The following PROSER3 variants were observed in gnomAD, a reference collection of about 807,000 sequenced individuals.
PROSER3 encodes proline and serine-rich protein 3.
A neutral mutation model predicts 50.2 loss-of-function variants in PROSER3; 33 were observed. The ratio of observed to expected loss-of-function variants is 0.66; its 90% CI spans 0.50 to 0.88. The LOEUF (loss-of-function observed/expected upper bound fraction) is 0.88, where lower values mean the gene tolerates loss of function less well. Ranked by LOEUF, PROSER3 falls within the 40% of genes least tolerant of loss-of-function variation. The pLI, the probability that PROSER3 is intolerant of heterozygous loss-of-function variation, is 0.00. For synonymous variants in PROSER3, 266 were observed against 259.3 expected (o/e 1.03, Z -0.25); for missense variants, 623 against 612.7 (o/e 1.02, Z -0.18).
chr19:35,764,159 G>A (rs1056979570), intron 5 of PROSER3, among the ~76,000 whole-genome samples: 2 of 152,268 alleles, frequency 1.3e-5, no homozygotes, highest in African/African-American at 2.4e-5. Flanking sequence ...GGTCCTTGGG[G>A]TCTCTAGGCT....
chr19:35,766,242 A>C (rs1162064105), intron 7 of PROSER3, among the ~76,000 whole-genome samples: 1 of 152,152 alleles, frequency 6.6e-6, no homozygotes, highest in Non-Finnish European at 1.5e-5. Context: ...AGAACGGCTC[A>C]ATAAATATTT....
chr19:35,768,119 G>T (rs1203548431), intron 9 of PROSER3, 36 bp from the exon 10 acceptor site: 7 of 1,604,188 alleles, frequency 4.4e-6, no homozygotes, highest in Non-Finnish European at 6.0e-6. Flanking sequence ...CTAAGAGGCC[G>T]GCCCCTTGGA....
rs189755830 is a variant in PROSER3 at position 35,763,439 on chromosome 19, C to G, written c.543+1083C>G. Among the ~76,000 whole-genome samples, 28 of 151,254 alleles carry G rather than the reference C, an allele frequency of 1.9e-4. No homozygotes were observed. The East Asian group carries it at 4.7e-3, about 25-fold the overall frequency. ...CAGGCTTGTCTCGAACTCCTGACCT[C>G]CGGCAATCCGCCCACCTCAGCCTCC... On this transcript the variant is annotated intron_variant, in intron 5 of 10. Transcript: ENST00000396908.
At chr19:35,765,482 A>T (rs967890323) in intron 7 of PROSER3, among the ~76,000 whole-genome samples, 7 of 149,394 alleles carry the variant, frequency 4.7e-5, no homozygotes, top group African/African-American at 1.5e-4. Context: ...CAGTAGGCTG[A>T]GGCAGGAGAA....
intron 1 of PROSER3, 70 bp downstream of exon 1, chr19:35,758,296 AGGACGGGCT>A (rs1970836519): frequency 5.9e-6 from 9 of 1,516,122 alleles, no homozygotes; most frequent in Non-Finnish European, 8.0e-6. Context: ...AGCACAGCCT[AGGACGGGCT>A]GGATACGGTC....
rs371207751 is a variant in PROSER3 at position 35,761,981 on chromosome 19, C to G, written c.312-38C>G. The G allele has an allele frequency of 6.0e-4, 929 of 1,550,124 alleles. 9 individuals are homozygous for G. In the South Asian group the frequency reaches 8.9e-3, roughly 15 times the overall value. On this transcript the variant is annotated intron_variant, in intron 3 of 10. Coordinates refer to ENST00000396908, the Ensembl canonical transcript of PROSER3. ...ATTATTCTTATTATTATTTGGCTCT[C>G]CTCACTCCACTCACCTCCTATCCCC...
At chr19:35,767,653 G>A in intron 8 of PROSER3, 1 of 1,004,612 alleles carries the variant, frequency 1.0e-6, no homozygotes. Flanking sequence ...GCCAGGTAGT[G>A]GCAGCTCGGC....
intron 3 of PROSER3, among the ~76,000 whole-genome samples, chr19:35,760,892 G>C (rs1384926750): frequency 1.3e-5 from 2 of 152,200 alleles, no homozygotes; most frequent in Admixed American, 6.5e-5. Flanking sequence ...TCACCACTTA[G>C]ATTTGTAGAA....
At chr19:35,762,211 G>A (rs764859870) in intron 4 of PROSER3, 42 bp from the exon 5 acceptor site, 7 of 1,597,414 alleles carry the variant, frequency 4.4e-6, no homozygotes, top group Non-Finnish European at 6.0e-6. Flanking sequence ...GCCCCCAGCA[G>A]CCACTCCTCC....
chr19:35,767,855 C>A (rs780180435), exon 9 of PROSER3: 15 of 1,612,458 alleles, frequency 9.3e-6, no homozygotes, highest in Non-Finnish European at 4.2e-6. Flanking sequence ...GTCAGTGATA[C>A]GGAAGAGCGA....
exon 4 of PROSER3, chr19:35,762,056 C>A: frequency 1.2e-6 from 2 of 1,610,856 alleles, no homozygotes; most frequent in South Asian, 1.1e-5. Context: ...GCCCACCAGT[C>A]GAGAGGAGCG....
chr19:35,768,434 G>T, exon 11 of PROSER3: 2 of 1,597,756 alleles, frequency 1.3e-6, no homozygotes, highest in East Asian at 2.2e-5. Flanking sequence ...CGTTCCTGTT[G>T]GACCAGGCTG....
At chr19:35,759,399 A>T in exon 2 of PROSER3, 1 of 1,613,708 alleles carries the variant, frequency 6.2e-7, no homozygotes, top group Non-Finnish European at 8.5e-7. Flanking sequence ...CATTCAAGAT[A>T]GTCCCTTTGG....
chr19:35,767,040 C>G (rs1802305034), intron 8 of PROSER3, 32 bp from the exon 9 acceptor site: 1 of 1,407,244 alleles, frequency 7.1e-7, no homozygotes, highest in South Asian at 1.4e-5. Flanking sequence ...CCCTCTCTCT[C>G]TCTGTCTCAG....
At chr19:35,768,559 T>C in exon 11 of PROSER3, 1 of 1,551,324 alleles carries the variant, frequency 6.4e-7, no homozygotes, top group Admixed American at 2.1e-5. Flanking sequence ...GTACAGATTC[T>C]ATTTTACCCA....
At chr19:35,764,384 C>T (rs372938833) in intron 5 of PROSER3, among the ~76,000 whole-genome samples, 3 of 151,990 alleles carry the variant, frequency 2.0e-5, no homozygotes, top group Admixed American at 1.3e-4. Flanking sequence ...CCACCGGGCG[C>T]GGTGGCTCAC....
At chr19:35,760,021 A>G in intron 3 of PROSER3, 30 bp downstream of exon 3, 1 of 1,516,858 alleles carries the variant, frequency 6.6e-7, no homozygotes, top group Non-Finnish European at 8.9e-7. Flanking sequence ...GGGGAAAAAG[A>G]GGCTTTGGGT....
At chr19:35,760,042 G>A (rs769289504) in intron 3 of PROSER3, 51 bp downstream of exon 3, 3 of 1,444,150 alleles carry the variant, frequency 2.1e-6, no homozygotes, top group African/African-American at 2.9e-5. Flanking sequence ...TAGAGGGAGG[G>A]AGAAGGCATG....
chr19:35,767,144 GT>G, intron 8 of PROSER3: 1 of 721,878 alleles, frequency 1.4e-6, no homozygotes, highest in Non-Finnish European at 2.1e-6. Context: ...GTGGAGCAGT[GT>G]GGCCCAGCCT....
Sources: allele counts gnomAD v4.1 joint callset (sites outside exome capture counted in the v4.1 genomes callset), GRCh38; gene constraint gnomAD v4.1.1; transcripts MANE v1.5; gene names NCBI Gene and HGNC (gene_info 2026-07-23, HGNC 2026-07-21).